RTL4: variants seen among roughly 807,000 people sequenced by gnomAD.
RTL4 encodes retrotransposon Gag like 4.
A neutral mutation model predicts 5.3 loss-of-function variants in RTL4; 4 were observed. That is an observed-to-expected ratio of 0.75 (90% CI 0.37 to 1.72). RTL4 has a LOEUF of 1.72. Among genes scored for constraint, RTL4 ranks in the 40% most tolerant of loss-of-function variants. The probability of loss-of-function intolerance (pLI) is 0.04; values close to 1 mark genes in which losing one functional copy is unlikely to be tolerated. For missense variants in RTL4, 260 were observed against 227.1 expected, an observed-to-expected ratio of 1.14 and a Z score of -0.93; for synonymous variants, 98 against 87.3, an observed-to-expected ratio of 1.12 and a Z score of -0.68.
chrX:112,332,462 A>AAAATG, the RTL4 span, among the ~76,000 whole-genome samples: 1 of 111,174 alleles, frequency 9.0e-6, no homozygotes, highest in Non-Finnish European at 1.9e-5. Context: ...CTGGATTAAG[A>AAAATG]AAATGTGGCA....
the RTL4 span, among the ~76,000 whole-genome samples, chrX:112,214,979 G>A: frequency 9.0e-6 from 1 of 110,618 alleles, no homozygotes; most frequent in African/African-American, 3.3e-5. Flanking sequence ...TAGTAGAGAC[G>A]AGGTTTCACC....
the RTL4 span, chrX:112,381,781 A>G: frequency 8.3e-7 from 1 of 1,206,208 alleles, no homozygotes; most frequent in Non-Finnish European, 1.1e-6. Flanking sequence ...AGACAAAGAA[A>G]GTCCAAGCTG....
chrX:112,349,772 A>C, the RTL4 span, among the ~76,000 whole-genome samples: 10 of 93,539 alleles, frequency 1.1e-4, no homozygotes, highest in Admixed American at 2.5e-4. Context: ...GGCTGAGACA[A>C]TGGGGTTTTC....
the RTL4 span, among the ~76,000 whole-genome samples, chrX:112,345,165 T>C: frequency 9.0e-6 from 1 of 111,217 alleles, no homozygotes; most frequent in Non-Finnish European, 1.9e-5. Context: ...GCTCCCATAC[T>C]TCCCTTATGT....
At chrX:112,095,975 A>T in the RTL4 span, among the ~76,000 whole-genome samples, 1 of 111,457 alleles carries the variant, frequency 9.0e-6, no homozygotes, top group Non-Finnish European at 1.9e-5. Context: ...AGTGACAGAG[A>T]TATTGGTGTA....
At chrX:112,112,132 C>T in the RTL4 span, among the ~76,000 whole-genome samples, 1 of 112,031 alleles carries the variant, frequency 8.9e-6, no homozygotes, top group Non-Finnish European at 1.9e-5. Flanking sequence ...GGGAAGCCAG[C>T]CTTTTGCTAC....
chrX:112,261,362 A>G, the RTL4 span, among the ~76,000 whole-genome samples: 1 of 106,609 alleles, frequency 9.4e-6, no homozygotes. Context: ...TACAAAATCA[A>G]TGTGCAAAAA....
chrX:112,187,813 G>A, the RTL4 span, among the ~76,000 whole-genome samples: 1 of 112,011 alleles, frequency 8.9e-6, no homozygotes, highest in Non-Finnish European at 1.9e-5. Context: ...GAGGCTAATT[G>A]TGGAGGACAT....
the RTL4 span, among the ~76,000 whole-genome samples, chrX:112,138,648 G>A: frequency 7.2e-5 from 8 of 110,798 alleles, no homozygotes; most frequent in Non-Finnish European, 9.5e-5. Flanking sequence ...ATCCAAAGTT[G>A]TTTTAACTAT....
the RTL4 span, among the ~76,000 whole-genome samples, chrX:112,257,189 T>C: frequency 7.2e-5 from 8 of 111,593 alleles, no homozygotes; most frequent in Admixed American, 9.5e-5. Context: ...CCTGAAAGGG[T>C]GTAGATTTTT....
At chrX:112,443,551 C>T in the RTL4 span, among the ~76,000 whole-genome samples, 1 of 112,030 alleles carries the variant, frequency 8.9e-6, no homozygotes, top group African/African-American at 3.2e-5. Flanking sequence ...ACAATCCCAT[C>T]AACAGTGCAC....
chrX:112,363,601 C>T, the RTL4 span, among the ~76,000 whole-genome samples: 1 of 111,182 alleles, frequency 9.0e-6, no homozygotes, highest in African/African-American at 3.3e-5. Context: ...AAGCAAGAGA[C>T]AGAAGTTGAA....
chrX:112,351,082 G>A, the RTL4 span, among the ~76,000 whole-genome samples: 11 of 111,132 alleles, frequency 9.9e-5, no homozygotes. Flanking sequence ...GTTCTTGTTG[G>A]TTTCAAAGAA....
the RTL4 span, among the ~76,000 whole-genome samples, chrX:112,334,429 G>A: frequency 4.5e-5 from 5 of 111,705 alleles, no homozygotes; most frequent in Non-Finnish European, 9.4e-5. Flanking sequence ...AGTGTACAGG[G>A]TTCCCTTTCC....
the RTL4 span, among the ~76,000 whole-genome samples, chrX:112,123,070 C>T: frequency 2.7e-5 from 3 of 111,377 alleles, no homozygotes; most frequent in Non-Finnish European, 5.7e-5. Context: ...GTTCAAGTTG[C>T]AATACACTGA....
the RTL4 span, among the ~76,000 whole-genome samples, chrX:112,400,461 G>T: frequency 1.8e-5 from 2 of 111,219 alleles, no homozygotes; most frequent in Admixed American, 9.6e-5. Flanking sequence ...TGAACATATG[G>T]AATACAGTTA....
chrX:112,349,203 G>A, the RTL4 span, among the ~76,000 whole-genome samples: 1 of 111,177 alleles, frequency 9.0e-6, no homozygotes, highest in African/African-American at 3.3e-5. Flanking sequence ...AACGGGTTCT[G>A]ACACCAGCTT....
chrX:112,412,977 A>G, the RTL4 span, among the ~76,000 whole-genome samples: 1 of 111,975 alleles, frequency 8.9e-6, no homozygotes, highest in Non-Finnish European at 1.9e-5. Context: ...ATTAATAACT[A>G]GAATATATAA....
chrX:112,293,041 A>G, the RTL4 span, among the ~76,000 whole-genome samples: 4 of 111,952 alleles, frequency 3.6e-5, no homozygotes, highest in South Asian at 3.8e-4. Context: ...CAGACAGCCT[A>G]TGGAGAATCA....
Sources: gnomAD v4.1 joint callset for allele counts (sites outside exome capture counted in the v4.1 genomes callset) on GRCh38, gnomAD v4.1.1 for gene constraint, MANE v1.5 for transcripts, NCBI Gene and HGNC (gene_info 2026-07-23, HGNC 2026-07-21) for gene names.